Variants in GSDME observed in about 807,000 individuals in gnomAD.
GSDME encodes the protein gasdermin E, also known as gasdermin-E.
GSDME carries 44 observed loss-of-function variants against 47.5 expected under a neutral mutation model. The observed-to-expected ratio is 0.93, with a 90% CI of 0.73 to 1.19. The LOEUF (loss-of-function observed/expected upper bound fraction) is 1.19, where lower values mean the gene tolerates loss of function less well. GSDME is among the 50% of genes most tolerant of loss of function. The pLI, the probability that GSDME is intolerant of heterozygous loss-of-function variation, is 0.00. For synonymous variants in GSDME, 258 were observed against 252.8 expected (o/e 1.02, Z -0.20); for missense variants, 663 against 604.2 (o/e 1.10, Z -1.02).
In GSDME at chr7:24,719,026, G is replaced by T. The variant is rs876307; in HGVS notation, c.576+21C>A. ...CCAGGACTGCTCAGCCATGAACGCA[G>T]GGCAGCCCGACTGCACGCACCTGCA... On this transcript the variant is annotated intron_variant, in intron 4 of 9. Coordinates refer to ENST00000645220, the MANE Select transcript of GSDME (RefSeq NM_001127453.2). 0.48 allele frequency: 780,478 copies of T among 1,610,294 alleles called. 206,252 individuals are homozygous for T. The highest frequency in any genetic ancestry group is 0.99 in the East Asian group (44,632 of 44,870).
rs964309005 is a variant in GSDME at position 24,745,795 on chromosome 7, TGCCACTGCAC to T, written c.212-1051_212-1042del. Among the ~76,000 whole-genome samples, 1 of 152,180 alleles carries T rather than the reference TGCCACTGCAC, an allele frequency of 6.6e-6. No homozygotes were observed. Among genetic ancestry groups the T allele is most frequent in the African/African-American group, 2.4e-5 (1 of 41,448 alleles). ...TAAGGTTACAAGTGAGCAATGATCA[TGCCACTGCAC>T]GCCAGCCTGGGTGACAGAGCAACAC... On this transcript the variant is annotated intron_variant, in intron 2 of 9. Transcript: ENST00000645220. The surrounding 1 kb of genome is among the most constrained non-coding windows in gnomAD (Gnocchi z 4.4).
rs1789079445 is a variant in GSDME, at chr7:24,705,959, C to T, written c.1183+225G>A. 1.6e-6 allele frequency: 1 copy of T among 614,786 alleles called. No individual in the cohort carries two copies. Among genetic ancestry groups the T allele is most frequent in the Non-Finnish European group, 2.9e-6 (1 of 345,346 alleles). The allele number at this position is 614,786 out of a possible 1,614,324, so 38.1% of individuals were successfully genotyped here. ...CTGGGGGAGGAGGGAGAAGGGCCCT[C>T]CGGGAGAGTAGGGAGGCTTGTGCTG... On this transcript the variant is annotated intron_variant, in intron 8 of 9. Coordinates refer to ENST00000645220, the MANE Select transcript of GSDME (RefSeq NM_001127453.2). This position sits in a 1 kb window ranked among gnomAD's most constrained non-coding sequence, Gnocchi z 4.1.
chr7:24,754,890 C>CT lies in GSDME; in HGVS notation c.-20+2505dup, dbSNP rs1239150937. 2.0e-5 allele frequency among the ~76,000 whole-genome samples: 3 copies of CT among 152,180 alleles called. No homozygotes were observed. The highest frequency in any genetic ancestry group is 4.4e-5 in the Non-Finnish European group (3 of 68,032). ...CTCTGGTTGAACCCTGGGCCTCTGC[C>CT]TGAAGAGTTCTAGAAAAGAAACTTC... On this transcript the variant is annotated intron_variant, in intron 1 of 9. Transcript: ENST00000645220. The surrounding 1 kb of genome is among the most constrained non-coding windows in gnomAD (Gnocchi z 5.0).
rs1789412310 is a variant in GSDME at position 24,712,968 on chromosome 7, A to G, written c.698-2580T>C. Among the ~76,000 whole-genome samples the G allele has an allele frequency of 6.6e-6, 1 of 151,850 alleles. No individual in the cohort carries two copies. The highest frequency in any genetic ancestry group is 1.5e-5 in the Non-Finnish European group (1 of 67,948). ...GGGAGGCGGAGGTTGTGGTGAGCCAAGATCGCACCATTGTACTCCAGCCTG... is the reference window on the plus strand; with the variant it reads ...GGGAGGCGGAGGTTGTGGTGAGCCAGGATCGCACCATTGTACTCCAGCCTG... On this transcript the variant is annotated intron_variant, in intron 5 of 9. Transcript: ENST00000645220. The surrounding 1 kb of genome is among the most constrained non-coding windows in gnomAD (Gnocchi z 4.4).
chr7:24,713,618 A>G (rs1326289101), intron 5 of GSDME, among the ~76,000 whole-genome samples: 1 of 152,184 alleles, frequency 6.6e-6, no homozygotes, highest in African/African-American at 2.4e-5. Context: ...GGCAAGTGGC[A>G]CTGTGACCAG....
intron 9 of GSDME, among the ~76,000 whole-genome samples, chr7:24,699,773 A>G (rs761990466): frequency 1.3e-5 from 2 of 152,020 alleles, no homozygotes; most frequent in African/African-American, 2.4e-5. Flanking sequence ...CTGAATCCCT[A>G]CTCTCCAAAC....
rs1216758558 is a variant in GSDME at position 24,724,466 on chromosome 7, T to C, written c.405-5248A>G. Among the ~76,000 whole-genome samples, 1 of 152,222 alleles carries C rather than the reference T, an allele frequency of 6.6e-6. No individual in the cohort carries two copies. Among genetic ancestry groups the C allele is most frequent in the Non-Finnish European group, 1.5e-5 (1 of 68,036 alleles). On this transcript the variant is annotated intron_variant, in intron 3 of 9. Coordinates refer to ENST00000645220, the MANE Select transcript of GSDME (RefSeq NM_001127453.2). The surrounding 1 kb of genome is among the most constrained non-coding windows in gnomAD (Gnocchi z 4.8). ...CTTCACACATCTAAGGGCAGGCTCC[T>C]TGTTCTTCCTGGCGGGGGCGGCAAC...
At chr7:24,771,144 A>T in the GSDME span, among the ~76,000 whole-genome samples, 1 of 152,248 alleles carries the variant, frequency 6.6e-6, no homozygotes, top group Non-Finnish European at 1.5e-5. This position sits in a 1 kb window ranked among gnomAD's most constrained non-coding sequence, Gnocchi z 4.1. Context: ...ACATCTTGAA[A>T]AAAACAAATA....
intron 7 of GSDME, 48 bp downstream of exon 7, chr7:24,708,078 TC>T: frequency 6.2e-7 from 1 of 1,610,962 alleles, no homozygotes; most frequent in Non-Finnish European, 8.5e-7. Context: ...CCTCCCCTGT[TC>T]CAGAAAACCC....
At chr7:24,775,216 G>GT in the GSDME span, among the ~76,000 whole-genome samples, 1 of 152,092 alleles carries the variant, frequency 6.6e-6, no homozygotes, top group Non-Finnish European at 1.5e-5. Context: ...GAACTCTATC[G>GT]TAAGTCTAGG....
rs766302036 is a variant in GSDME, at chr7:24,745,292, C to T, written c.212-538G>A. ...AGCAGCCCCTATTCTGGATGCACCG[C>T]GAGAGGACAGCCTTCCTTGGCCACC... On this transcript the variant is annotated intron_variant, in intron 2 of 9. Coordinates refer to ENST00000645220, the MANE Select transcript of GSDME (RefSeq NM_001127453.2). The surrounding 1 kb of genome is among the most constrained non-coding windows in gnomAD (Gnocchi z 4.4). 2.6e-5 allele frequency among the ~76,000 whole-genome samples: 4 copies of T among 152,138 alleles called. No homozygotes were observed. In the South Asian group the frequency reaches 6.2e-4, roughly 24 times the overall value.
At chr7:24,782,149 G>A in the GSDME span, among the ~76,000 whole-genome samples, 1 of 152,194 alleles carries the variant, frequency 6.6e-6, no homozygotes, top group East Asian at 1.9e-4. Flanking sequence ...CATGTGCCAT[G>A]TTGGTGTGCT....
At chr7:24,710,590 A>C (rs1789314034) in intron 5 of GSDME, 1 of 590,052 alleles carries the variant, frequency 1.7e-6, no homozygotes, top group East Asian at 2.9e-5. Flanking sequence ...CCAACAAATA[A>C]GGAAATGGCT....
Position 24,728,987 on chromosome 7 carries a change from A to G in GSDME, c.405-9769T>C, listed in dbSNP as rs1584083765. The stretch of plus-strand genomic sequence containing the variant: ...ACATTGTTGCCAAAGTGACCAAGTC[A>G]CCCGCAGACTGTGGCTGCTCCGCCT... On this transcript the variant is annotated intron_variant, in intron 3 of 9. Coordinates refer to ENST00000645220, the MANE Select transcript of GSDME (RefSeq NM_001127453.2). The surrounding 1 kb of genome is among the most constrained non-coding windows in gnomAD (Gnocchi z 7.2). 6.6e-6 allele frequency among the ~76,000 whole-genome samples: 1 copy of G among 152,190 alleles called. No homozygotes were observed. Among genetic ancestry groups the G allele is most frequent in the Non-Finnish European group, 1.5e-5 (1 of 68,038 alleles).
At chr7:24,727,605 T>C (rs1213393315) in intron 3 of GSDME, among the ~76,000 whole-genome samples, 1 of 152,266 alleles carries the variant, frequency 6.6e-6, no homozygotes, top group East Asian at 1.9e-4. Context: ...ACACACCAGC[T>C]GTAGAGTAGG....
At chr7:24,777,790 C>T in the GSDME span, among the ~76,000 whole-genome samples, 2 of 152,066 alleles carry the variant, frequency 1.3e-5, no homozygotes, top group Admixed American at 1.3e-4. Flanking sequence ...CCCAGCTACT[C>T]AGGAGTTAGA....
At chr7:24,788,354 C>T in the GSDME span, among the ~76,000 whole-genome samples, 2 of 152,032 alleles carry the variant, frequency 1.3e-5, no homozygotes, top group Non-Finnish European at 2.9e-5. This position sits in a 1 kb window ranked among gnomAD's most constrained non-coding sequence, Gnocchi z 4.6. Flanking sequence ...TGGCAGACGC[C>T]GCATGTCTCT....
chr7:24,788,077 A>C, the GSDME span, among the ~76,000 whole-genome samples: 312 of 152,342 alleles, frequency 2.0e-3, 1 homozygote, highest in Non-Finnish European at 3.2e-3. This position sits in a 1 kb window ranked among gnomAD's most constrained non-coding sequence, Gnocchi z 4.6. Flanking sequence ...AGCACTGAAC[A>C]AATTCTACCC....
chr7:24,699,403 C>T (rs1479517506), intron 9 of GSDME, 144 bp from the exon 10 acceptor site: 6 of 688,910 alleles, frequency 8.7e-6, no homozygotes, highest in African/African-American at 1.8e-5. Context: ...AGTGCAGTGG[C>T]GTGATCTCGG....
Sources: allele counts gnomAD v4.1 joint callset (sites outside exome capture counted in the v4.1 genomes callset), GRCh38; gene constraint gnomAD v4.1.1; non-coding constraint Gnocchi (gnomAD v3.1); transcripts MANE v1.5; gene names NCBI Gene and HGNC (gene_info 2026-07-23, HGNC 2026-07-21).